The following TUSC3 variants were observed in gnomAD, a reference collection of about 807,000 sequenced individuals.
TUSC3 encodes the protein tumor suppressor candidate 3, also known as dolichyl-diphosphooligosaccharide--protein glycosyltransferase subunit TUSC3.
Under a neutral mutation model 44.8 loss-of-function variants are expected in TUSC3, and 45 were observed. That is an observed-to-expected ratio of 1.00 (90% CI 0.79 to 1.29). The LOEUF is 1.29. TUSC3 is among the 50% of genes most tolerant of loss of function. The probability of loss-of-function intolerance (pLI) is 0.00; values close to 1 mark genes in which losing one functional copy is unlikely to be tolerated. For synonymous variants in TUSC3, 212 were observed against 152.9 expected, an observed-to-expected ratio of 1.39 and a Z score of -2.85; for missense variants, 519 against 437.9, an observed-to-expected ratio of 1.19 and a Z score of -1.65.
chr8:15,840,826 A>G, the TUSC3 span, among the ~76,000 whole-genome samples: 1 of 152,198 alleles, frequency 6.6e-6, no homozygotes, highest in East Asian at 1.9e-4. Context: ...AGTGAGAAAT[A>G]AAAATTTATG....
At chr8:15,594,072 C>G (rs1449547966) in intron 1 of TUSC3, among the ~76,000 whole-genome samples, 1 of 152,192 alleles carries the variant, frequency 6.6e-6, no homozygotes, top group African/African-American at 2.4e-5. Flanking sequence ...TATACCCTTT[C>G]TCCCAGACTT....
In TUSC3 at chr8:15,478,425, C is replaced by G. The variant is rs1214661119; in HGVS notation, n.92-4961C>G. On this transcript the variant is annotated intron_variant and non_coding_transcript_variant, in intron 1 of 5. Transcript: ENST00000503191. ...TTAGCTATTTATCCTGGTGCTCTCT[C>G]TCCCCCAACTCCCGCCAAGAGGCCC... Among the ~76,000 whole-genome samples, 4 of 152,134 alleles carry G rather than the reference C, an allele frequency of 2.6e-5. No homozygotes were observed. In the South Asian group the frequency reaches 6.2e-4, roughly 24 times the overall value.
At chr8:15,613,064 G>GATATATATAT (rs34594440) in intron 1 of TUSC3, among the ~76,000 whole-genome samples, 21 of 144,562 alleles carry the variant, frequency 1.5e-4, no homozygotes, top group African/African-American at 5.1e-4. Flanking sequence ...TTATATATAT[G>GATATATATAT]ATATATATAT....
intron 6 of TUSC3, among the ~76,000 whole-genome samples, chr8:15,704,624 A>C (rs1347415037): frequency 9.1e-6 from 1 of 110,216 alleles, no homozygotes; most frequent in Non-Finnish European, 1.9e-5. Context: ...ATAAATACCA[A>C]CTAAAGGAAA....
chr8:15,541,383 G>C (rs1295255348), intron 1 of TUSC3, among the ~76,000 whole-genome samples: 1 of 152,116 alleles, frequency 6.6e-6, no homozygotes, highest in Non-Finnish European at 1.5e-5. Flanking sequence ...ATGTGACTAG[G>C]GTTTCTAATT....
the TUSC3 span, among the ~76,000 whole-genome samples, chr8:15,803,722 C>G: frequency 6.6e-6 from 1 of 152,196 alleles, no homozygotes; most frequent in Admixed American, 6.5e-5. Context: ...TTGCCTCACC[C>G]CCTGGCAGGC....
chr8:15,671,743 G>A (rs1807954937), intron 5 of TUSC3, among the ~76,000 whole-genome samples: 1 of 151,946 alleles, frequency 6.6e-6, no homozygotes, highest in Admixed American at 6.6e-5. Context: ...ACAGTTTTCT[G>A]TCTCATGTTT....
At chr8:15,617,119 A>AGTGTGTGTGTGTGTGTGT (rs1337880053) in intron 1 of TUSC3, among the ~76,000 whole-genome samples, 4 of 28,848 alleles carry the variant, frequency 1.4e-4, no homozygotes, top group Non-Finnish European at 3.7e-4. Context: ...CTATCTGTAA[A>AGTGTGTGTGTGTGTGTGT]ATGTGTGTGT....
At chr8:15,563,615 G>T (rs539654211) in intron 1 of TUSC3, among the ~76,000 whole-genome samples, 1 of 147,678 alleles carries the variant, frequency 6.8e-6, no homozygotes, top group East Asian at 2.1e-4. Flanking sequence ...GAACCGGGGA[G>T]GCAGAGGATT....
intron 2 of TUSC3, among the ~76,000 whole-genome samples, chr8:15,649,855 G>A (rs1051222139): frequency 1.3e-4 from 20 of 152,166 alleles, no homozygotes; most frequent in Non-Finnish European, 2.6e-4. Flanking sequence ...TTCATTTTGG[G>A]GAGAGGGGGG....
intron 1 of TUSC3, among the ~76,000 whole-genome samples, chr8:15,443,172 C>T (rs1172528539): frequency 6.6e-6 from 1 of 151,570 alleles, no homozygotes; most frequent in Non-Finnish European, 1.5e-5. Context: ...TCCTTCCTTC[C>T]TTTCTTTTTT....
chr8:15,791,771 G>A, the TUSC3 span, among the ~76,000 whole-genome samples: 4 of 152,120 alleles, frequency 2.6e-5, no homozygotes, highest in Admixed American at 2.0e-4. Flanking sequence ...CTACTGGTAA[G>A]GTCATAGGTC....
At chr8:15,674,454 A>G (rs962914152) in intron 6 of TUSC3, among the ~76,000 whole-genome samples, 1 of 152,012 alleles carries the variant, frequency 6.6e-6, no homozygotes, top group Non-Finnish European at 1.5e-5. Context: ...GATAGTGAAG[A>G]TGAACAGTTT....
chr8:15,519,906 T>G lies in TUSC3; in HGVS notation n.189+36423T>G, dbSNP rs192664493. Among the ~76,000 whole-genome samples the G allele has an allele frequency of 7.1e-4, 108 of 152,346 alleles. 1 individual carries two copies. The highest frequency in any genetic ancestry group is 2.1e-3 in the African/African-American group (86 of 41,592). ...GAATAATAGTCTTGCCATATTGTCA[T>G]AGCTACTATAACTCTCAATATACCT... is the stretch of plus-strand genomic sequence containing the variant. On this transcript the variant is annotated intron_variant and non_coding_transcript_variant, in intron 2 of 5. Transcript: ENST00000503191.
chr8:15,498,578 A>G (rs6530879), intron 2 of TUSC3, among the ~76,000 whole-genome samples: 38,192 of 152,004 alleles, frequency 0.25, 5,149 homozygotes, highest in Non-Finnish European at 0.31. Flanking sequence ...TCTAACCTTG[A>G]TTAATTGCAC....
intron 1 of TUSC3, among the ~76,000 whole-genome samples, chr8:15,617,417 C>T (rs937488711): frequency 8.6e-5 from 13 of 151,986 alleles, no homozygotes; most frequent in Non-Finnish European, 1.5e-4. Context: ...GGATTACAGG[C>T]GTGAGCCACC....
intron 1 of TUSC3, among the ~76,000 whole-genome samples, chr8:15,478,105 C>A (rs1340872840): frequency 6.6e-6 from 1 of 151,888 alleles, no homozygotes; most frequent in Non-Finnish European, 1.5e-5. Flanking sequence ...TACAGACATG[C>A]ACCACCATGC....
In TUSC3 at chr8:15,659,578, T is replaced by C; in HGVS notation, c.498T>C (p.Phe166=). ...GCAGACCTAAGAGAGCTGATACTTT[T>C]GACCTCCAAAGAATTGGATTTGCAG... is the stretch of plus-strand genomic sequence containing the variant. The part of the protein sequence containing the change: ...PKGRPKRADT[F]DLQRIGFAAE... The change falls in exon 4 of 11, where the codon TTT becomes TTC. Residue 166 remains phenylalanine (F), a synonymous_variant. Coordinates refer to ENST00000503731, the MANE Select transcript of TUSC3 (RefSeq NM_006765.4). 6.2e-7 allele frequency: 1 copy of C among 1,613,558 alleles called. No individual in the cohort carries two copies. The highest frequency in any genetic ancestry group is 1.1e-5 in the South Asian group (1 of 91,076).
intron 6 of TUSC3, among the ~76,000 whole-genome samples, chr8:15,710,906 G>T (rs1809816953): frequency 6.7e-6 from 1 of 149,190 alleles, no homozygotes; most frequent in Non-Finnish European, 1.5e-5. Flanking sequence ...TATAAAACCA[G>T]CACCAAATCA....
Sources: gnomAD v4.1 joint callset for allele counts (sites outside exome capture counted in the v4.1 genomes callset) on GRCh38, gnomAD v4.1.1 for gene constraint, MANE v1.5 for transcripts, NCBI Gene and HGNC (gene_info 2026-07-23, HGNC 2026-07-21) for gene names.